TBC1D19: variants seen among roughly 807,000 people sequenced by gnomAD.
The protein encoded by TBC1D19 is TBC1 domain family member 19.
Under a neutral mutation model 89.0 loss-of-function variants are expected in TBC1D19, and 60 were observed. That is an observed-to-expected ratio of 0.67 (90% CI 0.55 to 0.84). The LOEUF is 0.84. Among genes scored for constraint, TBC1D19 ranks in the 40% least tolerant of loss-of-function variants. The pLI is 0.00. For missense variants in TBC1D19, 500 were observed against 610.8 expected (o/e 0.82, Z 1.91); for synonymous variants, 189 against 199.7 (o/e 0.95, Z 0.45).
chr4:26,810,607 G>A, the TBC1D19 span, among the ~76,000 whole-genome samples: 8 of 151,914 alleles, frequency 5.3e-5, no homozygotes, highest in South Asian at 2.1e-4. Context: ...CTTGCCCTGC[G>A]CCATGCTGTT....
chr4:26,696,151 G>C (rs990917435), intron 13 of TBC1D19, among the ~76,000 whole-genome samples: 6 of 152,134 alleles, frequency 3.9e-5, no homozygotes, highest in African/African-American at 1.4e-4. Context: ...TCAAAATAAA[G>C]GGATGGAGGA....
intron 8 of TBC1D19, among the ~76,000 whole-genome samples, chr4:26,663,891 T>C (rs1387434376): frequency 1.3e-5 from 2 of 152,228 alleles, no homozygotes; most frequent in African/African-American, 4.8e-5. Flanking sequence ...AGTAGACTCA[T>C]ACATATTAAA....
rs1383225354 is a variant in TBC1D19 at position 26,666,345 on chromosome 4, G to T, written c.604G>T (p.Val202Leu). The change falls in exon 9 of 21, where the codon GTG (valine) becomes TTG (leucine). Residue 202 changes from valine to leucine, a missense_variant. By Grantham distance (32) the Val-to-Leu change is conservative (BLOSUM62 1). Around this residue, in one of 2 missense-constraint regions of TBC1D19, gnomAD observed 280 missense variants for 291.7 expected, o/e 0.96. Transcript: ENST00000264866. ...KDIPELKECF[V>L]ELGLNIGQLG... ...TGTTATTTTTCAGAAAGAATGCTTT[G>T]TGGAACTTGGCTTAAATATAGGACA... 2 of 1,610,840 alleles carry T rather than the reference G, an allele frequency of 1.2e-6. No individual in the cohort carries two copies. Among genetic ancestry groups the T allele is most frequent in the African/African-American group, 2.7e-5 (2 of 74,938 alleles).
chr4:26,729,793 A>G (rs773587331), intron 15 of TBC1D19, among the ~76,000 whole-genome samples: 5 of 152,228 alleles, frequency 3.3e-5, no homozygotes, highest in Non-Finnish European at 5.9e-5. Flanking sequence ...CACTTAGCCT[A>G]TATTATAAGG....
chr4:26,693,090 C>T (rs1252968772), intron 13 of TBC1D19, among the ~76,000 whole-genome samples: 1 of 148,506 alleles, frequency 6.7e-6, no homozygotes, highest in Non-Finnish European at 1.5e-5. Context: ...TGCACCACTG[C>T]ACTCCAGCCT....
At chr4:26,701,102 A>G (rs1223778244) in intron 13 of TBC1D19, among the ~76,000 whole-genome samples, 2 of 152,138 alleles carry the variant, frequency 1.3e-5, no homozygotes, top group Admixed American at 6.6e-5. Flanking sequence ...CCTCAGTCCT[A>G]TAAGATCTGC....
intron 15 of TBC1D19, among the ~76,000 whole-genome samples, chr4:26,731,692 C>T (rs1221753085): frequency 6.6e-6 from 1 of 151,908 alleles, no homozygotes; most frequent in Non-Finnish European, 1.5e-5. Context: ...AGAAACAAAA[C>T]AAACACTCAC....
chr4:26,644,227 G>T (rs536892911), intron 7 of TBC1D19, among the ~76,000 whole-genome samples: 2 of 152,210 alleles, frequency 1.3e-5, no homozygotes, highest in South Asian at 4.2e-4. Context: ...TATCCACCAA[G>T]ATCAAGTCGG....
chr4:26,691,187 T>A (rs762540467), intron 13 of TBC1D19, among the ~76,000 whole-genome samples: 1 of 152,190 alleles, frequency 6.6e-6, no homozygotes, highest in Non-Finnish European at 1.5e-5. Context: ...TTCAATCTCA[T>A]CATAAAACTT....
downstream of TBC1D19, among the ~76,000 whole-genome samples, chr4:26,756,296 CA>C (rs1719260498): frequency 6.6e-6 from 1 of 152,188 alleles, no homozygotes; most frequent in African/African-American, 2.4e-5. Flanking sequence ...AGCACACACC[CA>C]TGACTATTAT....
At chr4:26,651,625 G>T (rs1242318136) in intron 7 of TBC1D19, among the ~76,000 whole-genome samples, 2 of 152,048 alleles carry the variant, frequency 1.3e-5, no homozygotes, top group Non-Finnish European at 2.9e-5. Flanking sequence ...GAGACGATGG[G>T]GTTTTCTAGA....
the TBC1D19 span, among the ~76,000 whole-genome samples, chr4:26,840,007 A>ATT: frequency 6.7e-6 from 1 of 148,316 alleles, no homozygotes; most frequent in Non-Finnish European, 1.5e-5. Flanking sequence ...AAATATTTTG[A>ATT]TTTTTTTTTT....
intron 1 of TBC1D19, among the ~76,000 whole-genome samples, chr4:26,604,871 G>A (rs959804214): frequency 5.3e-5 from 7 of 131,004 alleles, no homozygotes; most frequent in Admixed American, 8.3e-5. Context: ...GCGACAGAGC[G>A]AGAATCCATC....
intron 9 of TBC1D19, 57 bp downstream of exon 9, chr4:26,666,462 T>G: frequency 2.1e-6 from 3 of 1,408,610 alleles, no homozygotes; most frequent in Non-Finnish European, 2.9e-6. Context: ...GCCTAAGGTT[T>G]ATATTGCTAT....
chr4:26,773,852 A>G, the TBC1D19 span, among the ~76,000 whole-genome samples: 1 of 152,032 alleles, frequency 6.6e-6, no homozygotes, highest in East Asian at 1.9e-4. Flanking sequence ...AGTACTATGC[A>G]GTTTTGGTTA....
intron 7 of TBC1D19, among the ~76,000 whole-genome samples, chr4:26,652,738 T>C (rs954104709): frequency 3.3e-5 from 5 of 152,298 alleles, no homozygotes; most frequent in Admixed American, 6.5e-5. Context: ...TTTTATTGTG[T>C]CTATTTGATT....
intron 7 of TBC1D19, among the ~76,000 whole-genome samples, chr4:26,640,547 G>A (rs1448450457): frequency 6.6e-6 from 1 of 152,188 alleles, no homozygotes; most frequent in Non-Finnish European, 1.5e-5. Context: ...CACCTCATTG[G>A]GACAGGTCAG....
intron 7 of TBC1D19, among the ~76,000 whole-genome samples, chr4:26,653,305 A>G (rs1019611881): frequency 5.3e-5 from 8 of 152,120 alleles, no homozygotes; most frequent in Non-Finnish European, 1.2e-4. Flanking sequence ...ATCAATTTTG[A>G]AATAAGTGCG....
At chr4:26,835,094 T>A in the TBC1D19 span, among the ~76,000 whole-genome samples, 3 of 152,210 alleles carry the variant, frequency 2.0e-5, no homozygotes, top group Non-Finnish European at 4.4e-5. Context: ...TTGGCAAATG[T>A]GAATAAGTTA....
Sources: gnomAD v4.1 joint callset for allele counts (sites outside exome capture counted in the v4.1 genomes callset) on GRCh38, gnomAD v4.1.1 for gene constraint, gnomAD v4.1.1 regional missense constraint, MANE v1.5 for transcripts, NCBI Gene and HGNC (gene_info 2026-07-23, HGNC 2026-07-21) for gene names.